Variants in ARAP3 observed in about 807,000 individuals in gnomAD.
The protein encoded by ARAP3 is ArfGAP with RhoGAP domain, ankyrin repeat and PH domain 3.
ARAP3 carries 82 observed loss-of-function variants against 169.2 expected under a neutral mutation model. The observed-to-expected ratio is 0.48, with a 90% CI of 0.41 to 0.58. The LOEUF is 0.58. Ranked by LOEUF, ARAP3 falls within the 20% of genes least tolerant of loss-of-function variation. The pLI, the probability that ARAP3 is intolerant of heterozygous loss-of-function variation, is 0.00. For synonymous variants in ARAP3, 791 were observed against 800.3 expected (o/e 0.99, Z 0.20); for missense variants, 1,764 against 2,018.0 (o/e 0.87, Z 2.41).
intron 25 of ARAP3, 148 bp downstream of exon 25, chr5:141,658,217 G>T: frequency 1.3e-6 from 1 of 767,188 alleles, no homozygotes; most frequent in Non-Finnish European, 2.1e-6. Flanking sequence ...AGTCAACTGT[G>T]TTGAATGTCC....
rs778706420 is a variant in ARAP3 at position 141,672,240 on chromosome 5, T to C, written c.1447A>G (p.Thr483Ala). ...SWAAALQEAV[T>A]ETLSDYEVAE... ...ACCTCGTAGTCAGACAGGGTCTCGG[T>C]TACTGCTTCCTGCAGAGCGGCCGCC... is the stretch of plus-strand genomic sequence containing the variant. Residue 483 changes from threonine to alanine, a missense_variant, in exon 10 of 33, where the codon ACC (threonine) becomes GCC (alanine). Physicochemically the swap from Thr to Ala is moderately conservative, Grantham distance 58. This residue lies in a region of ARAP3 where 630 missense variants were observed against 678.7 expected (regional missense o/e 0.93). Coordinates refer to ENST00000239440, the MANE Select transcript of ARAP3 (RefSeq NM_022481.6). The surrounding 1 kb of genome is among the most constrained non-coding windows in gnomAD (Gnocchi z 4.9). 10 of 1,614,178 alleles carry C rather than the reference T, an allele frequency of 6.2e-6. No homozygotes were observed. Among genetic ancestry groups the C allele is most frequent in the Non-Finnish European group, 7.6e-6 (9 of 1,180,012 alleles).
At chr5:141,673,963 T>C (rs1170782998) in intron 4 of ARAP3, among the ~76,000 whole-genome samples, 155 bp from the exon 5 acceptor site, 90 of 143,192 alleles carry the variant, frequency 6.3e-4, no homozygotes, top group African/African-American at 7.5e-4. Context: ...TTTCTTCTTT[T>C]TTTTTTTTTT....
At chr5:141,666,730 G>A (rs1389661514) in intron 16 of ARAP3, 87 bp from the exon 17 acceptor site, 2 of 587,604 alleles carry the variant, frequency 3.4e-6, no homozygotes, top group Non-Finnish European at 5.2e-6. Flanking sequence ...CCGGGGTAGC[G>A]AAAAGCAGAG....
At chr5:141,674,837 A>T (rs576412624) in intron 4 of ARAP3, among the ~76,000 whole-genome samples, 8 of 152,316 alleles carry the variant, frequency 5.3e-5, no homozygotes, top group Admixed American at 5.2e-4. Context: ...CACCAGGGTG[A>T]TGCAAATTCC....
At chr5:141,660,545 T>C (rs2099909812) in intron 21 of ARAP3, among the ~76,000 whole-genome samples, 1 of 151,998 alleles carries the variant, frequency 6.6e-6, no homozygotes, top group East Asian at 1.9e-4. Context: ...CTTTACACTT[T>C]ATGTACAAAA....
At chr5:141,662,315 G>A (rs78331060) in intron 19 of ARAP3, 60 bp from the exon 20 acceptor site, 5 of 1,555,028 alleles carry the variant, frequency 3.2e-6, no homozygotes, top group African/African-American at 2.7e-5. Flanking sequence ...ACCCACCACG[G>A]CCCATCTGTG....
Position 141,670,005 on chromosome 5 carries a change from G to A in ARAP3, c.2166C>T (p.Asn722=), listed in dbSNP as rs760778480. 53 of 1,597,378 alleles carry A rather than the reference G, an allele frequency of 3.3e-5. No individual in the cohort carries two copies. Among genetic ancestry groups the A allele is most frequent in the Non-Finnish European group, 4.3e-5 (51 of 1,175,884 alleles). The change falls in exon 15 of 33, where the codon AAC becomes AAT. Residue 722 remains asparagine, a synonymous_variant. Coordinates refer to ENST00000239440, the MANE Select transcript of ARAP3 (RefSeq NM_022481.6). ...GTATGAGGCTGAGGGGTTCAGGGCT[G>A]TTTTCCGATGCAAACATTTCCAGAG... is the stretch of plus-strand genomic sequence containing the variant. ...GAALEMFASE[N]SPEPLSLIQP...
chr5:141,671,391 C>A lies in ARAP3; in HGVS notation c.1864G>T (p.Ala622Ser). 1 of 1,610,872 alleles carries A rather than the reference C, an allele frequency of 6.2e-7. No homozygotes were observed. Among genetic ancestry groups the A allele is most frequent in the South Asian group, 1.1e-5 (1 of 90,602 alleles). Residue 622 changes from alanine to serine, a missense_variant, in exon 13 of 33, where the codon GCA becomes TCA. By Grantham distance (99) the Ala-to-Ser change is moderately conservative (BLOSUM62 1). Around this residue, in one of 3 missense-constraint regions of ARAP3, gnomAD observed 1,112 missense variants for 1,285.7 expected, o/e 0.86. Transcript: ENST00000239440. The surrounding 1 kb of genome is among the most constrained non-coding windows in gnomAD (Gnocchi z 4.9). ...DHSQLLQALC[A>S]AVARPNLLKN... ...AGCAGGTTGGGTCTTGCCACAGCTG[C>A]ACACAGTGCCTGCAGGGAGGGAAGG...
chr5:141,679,682 A>G, intron 3 of ARAP3, 26 bp from the exon 4 acceptor site: 5 of 1,613,864 alleles, frequency 3.1e-6, no homozygotes, highest in Non-Finnish European at 4.2e-6. Context: ...GGGAACGCAC[A>G]AGGAAGAGGA....
chr5:141,680,250 C>T lies in ARAP3; in HGVS notation c.237G>A (p.Met79Ile), dbSNP rs770078921. Residue 79 changes from methionine (M) to isoleucine (I), a missense_variant, in exon 2 of 33, where the codon ATG becomes ATA. Met to Ile is a conservative substitution (Grantham distance 10). Transcript: ENST00000239440. ...GCGGGGCTGGGCTGGGGGATGGTTCCATGGCACTATCTGATTTGGGATCCA... is the reference window on the plus strand; with the variant it reads ...GCGGGGCTGGGCTGGGGGATGGTTCTATGGCACTATCTGATTTGGGATCCA... ...GSLDPKSDSA[M>I]EPSPSPAPQA... 4 of 1,614,156 alleles carry T rather than the reference C, an allele frequency of 2.5e-6. No individual in the cohort carries two copies. Among genetic ancestry groups the T allele is most frequent in the Middle Eastern group, 1.6e-4 (1 of 6,062 alleles).
intron 4 of ARAP3, among the ~76,000 whole-genome samples, chr5:141,678,040 C>T (rs1031767671): frequency 1.3e-4 from 20 of 151,946 alleles, no homozygotes; most frequent in South Asian, 2.1e-4. Context: ...CTCCGCCTCC[C>T]GGGTTCACGC....
intron 23 of ARAP3, 104 bp from the exon 24 acceptor site, chr5:141,658,757 G>C: frequency 9.8e-7 from 1 of 1,019,618 alleles, no homozygotes; most frequent in Non-Finnish European, 1.4e-6. Flanking sequence ...TTCCAACAAA[G>C]GTCTCCTCCC....
Position 141,672,288 on chromosome 5 carries a change from A to T in ARAP3, c.1399T>A (p.Ser467Thr). 6.2e-7 allele frequency: 1 copy of T among 1,613,700 alleles called. No individual in the cohort carries two copies. Among genetic ancestry groups the T allele is most frequent in the Non-Finnish European group, 8.5e-7 (1 of 1,179,920 alleles). Residue 467 changes from serine (S) to threonine (T), a missense_variant, in exon 10 of 33, where the codon TCT (serine) becomes ACT (threonine). Ser to Thr is a moderately conservative substitution (Grantham distance 58). Transcript: ENST00000239440. The surrounding 1 kb of genome is among the most constrained non-coding windows in gnomAD (Gnocchi z 4.9). ...PHRCFSFTAESGGARQSWAAA... is the reference protein window; with the variant it reads ...PHRCFSFTAETGGARQSWAAA... Reference sequence around the variant, plus strand: ...GCCCAGCTCTGCCGAGCACCCCCAGACTCGGCTGTGAAGCTGAGGGGTGGA... The same window carrying T: ...GCCCAGCTCTGCCGAGCACCCCCAGTCTCGGCTGTGAAGCTGAGGGGTGGA...
Position 141,680,149 on chromosome 5 carries a change from C to G in ARAP3, c.338G>C (p.Arg113Thr). 1 of 1,608,244 alleles carries G rather than the reference C, an allele frequency of 6.2e-7. No homozygotes were observed. The highest frequency in any genetic ancestry group is 1.1e-5 in the South Asian group (1 of 90,666). Reference sequence around the variant, plus strand: ...CCCGAGGGCTGGGCTCAGCCCAGGTCTCTGAGTGGTGGCAGGGCCACTGAG... The same window carrying G: ...CCCGAGGGCTGGGCTCAGCCCAGGTGTCTGAGTGGTGGCAGGGCCACTGAG... ...GGLSGPATTQ[R>T]PGLSPALGGP... The change falls in exon 2 of 33, where the codon AGA becomes ACA. Residue 113 changes from arginine to threonine, a missense_variant. Physicochemically the swap from Arg to Thr is moderately conservative, Grantham distance 71 (BLOSUM62 -1). Transcript: ENST00000239440.
Position 141,665,382 on chromosome 5 carries a change from G to A in ARAP3, c.2573-8C>T. On this transcript the variant is annotated splice_region_variant and splice_polypyrimidine_tract_variant and intron_variant, in intron 17 of 32. Coordinates refer to ENST00000239440, the MANE Select transcript of ARAP3 (RefSeq NM_022481.6). ...CAGCTGCAGAAACCACACCTGGGAG[G>A]AGAATCAGTGGACATTTTCATGATT... The A allele has an allele frequency of 1.2e-6, 2 of 1,614,016 alleles. No homozygotes were observed. The highest frequency in any genetic ancestry group is 1.7e-6 in the Non-Finnish European group (2 of 1,179,894).
rs748380183 is a variant in ARAP3, at chr5:141,680,247, T to C, written c.240A>G (p.Glu80=). The C allele has an allele frequency of 1.9e-6, 3 of 1,614,036 alleles. No individual in the cohort carries two copies. The South Asian group carries it at 3.3e-5, about 18-fold the overall frequency. The change falls in exon 2 of 33, where the codon GAA becomes GAG. Residue 80 remains glutamate, a synonymous_variant. Coordinates refer to ENST00000239440, the MANE Select transcript of ARAP3 (RefSeq NM_022481.6). ...SLDPKSDSAM[E]PSPSPAPQAQ... ...CTTGCGGGGCTGGGCTGGGGGATGG[T>C]TCCATGGCACTATCTGATTTGGGAT... is the stretch of plus-strand genomic sequence containing the variant.
At chr5:141,678,103 C>T (rs536113852) in intron 4 of ARAP3, among the ~76,000 whole-genome samples, 4 of 152,254 alleles carry the variant, frequency 2.6e-5, no homozygotes, top group Middle Eastern at 3.4e-3. Context: ...CCCACCACCA[C>T]GCCCGGCTAT....
chr5:141,659,699 G>T, intron 22 of ARAP3, 80 bp downstream of exon 22: 2 of 1,548,312 alleles, frequency 1.3e-6, no homozygotes, highest in South Asian at 2.4e-5. Context: ...GGGCTTGTTG[G>T]GGTGATCAGG....
At chr5:141,662,884 G>C (rs2099910152) in intron 19 of ARAP3, among the ~76,000 whole-genome samples, 2 of 152,148 alleles carry the variant, frequency 1.3e-5, no homozygotes, top group Non-Finnish European at 2.9e-5. Context: ...AGTGCTGTTG[G>C]CCTTGAGTTC....
Sources: gnomAD v4.1 joint callset for allele counts (sites outside exome capture counted in the v4.1 genomes callset) on GRCh38, gnomAD v4.1.1 for gene constraint, gnomAD v4.1.1 regional missense constraint, Gnocchi (gnomAD v3.1) non-coding constraint, MANE v1.5 for transcripts, NCBI Gene and HGNC (gene_info 2026-07-23, HGNC 2026-07-21) for gene names.